The following AMZ2 variants were observed in gnomAD, a reference collection of about 807,000 sequenced individuals.
AMZ2 encodes archaelysin family metallopeptidase 2.
AMZ2 carries 26 observed loss-of-function variants against 36.7 expected under a neutral mutation model. The observed-to-expected ratio is 0.71, with a 90% confidence interval of 0.52 to 0.98. The LOEUF is 0.98. Among genes scored for constraint, AMZ2 ranks in the 50% least tolerant of loss-of-function variants. The pLI is 0.00. For synonymous variants in AMZ2, 144 were observed against 149.1 expected, an observed-to-expected ratio of 0.97 and a Z score of 0.25; for missense variants, 394 against 430.5, an observed-to-expected ratio of 0.92 and a Z score of 0.75.
intron 1 of AMZ2, among the ~76,000 whole-genome samples, chr17:68,240,955 C>T (rs117778705): frequency 0.047 from 7,197 of 152,152 alleles, 239 homozygotes; most frequent in Middle Eastern, 0.082. Context: ...ACCTTTATTC[C>T]AGAAGGTTCT....
Position 68,251,161 on chromosome 17 carries a change from A to G in AMZ2, c.569A>G (p.Gln190Arg). The change falls in exon 4 of 7, where the codon CAG (glutamine) becomes CGG (arginine). Residue 190 changes from glutamine to arginine, a missense_variant. Coordinates refer to ENST00000359904, the MANE Select transcript of AMZ2 (RefSeq NM_016627.5). ...GACTCGTGGAATTTTGTCTTTGGAC[A>G]GGCCTCTTTGACAGATGGTATTCCG... is the stretch of plus-strand genomic sequence containing the variant. ...PRDSWNFVFGQASLTDGVGIF... is the reference protein window; with the variant it reads ...PRDSWNFVFGRASLTDGVGIF... 6.2e-7 allele frequency: 1 copy of G among 1,613,136 alleles called. No individual in the cohort carries two copies. The highest frequency in any genetic ancestry group is 8.5e-7 in the Non-Finnish European group (1 of 1,179,788).
chr17:68,245,715 C>T (rs2073987189), upstream of AMZ2, among the ~76,000 whole-genome samples: 1 of 152,068 alleles, frequency 6.6e-6, no homozygotes, highest in Non-Finnish European at 1.5e-5. Context: ...TAGTGAATAC[C>T]TTTTATGCTT....
intron 1 of AMZ2, among the ~76,000 whole-genome samples, chr17:68,210,308 T>G (rs1360605855): frequency 6.6e-6 from 1 of 152,226 alleles, no homozygotes; most frequent in Non-Finnish European, 1.5e-5. Context: ...AACTGATGAA[T>G]GGATAACCCA....
chr17:68,227,963 A>G (rs2073558036), intron 1 of AMZ2, among the ~76,000 whole-genome samples: 1 of 152,176 alleles, frequency 6.6e-6, no homozygotes, highest in African/African-American at 2.4e-5. Flanking sequence ...TCTGGGGATC[A>G]GGGTGTGGAT....
At chr17:68,226,866 G>A (rs2073528504) in intron 1 of AMZ2, among the ~76,000 whole-genome samples, 1 of 150,280 alleles carries the variant, frequency 6.7e-6, no homozygotes, top group Admixed American at 6.6e-5. Context: ...CTAACATCAG[G>A]GGACCAGCCT....
Position 68,250,910 on chromosome 17 carries a change from G to T in AMZ2, c.400G>T (p.Val134Leu). The T allele has an allele frequency of 1.2e-6, 2 of 1,610,398 alleles. No homozygotes were observed. Among genetic ancestry groups the T allele is most frequent in the Middle Eastern group, 1.7e-4 (1 of 6,058 alleles). The change falls in exon 3 of 7, where the codon GTA (valine) becomes TTA (leucine). Residue 134 changes from valine (V) to leucine (L), a missense_variant. By Grantham distance (32) the Val-to-Leu change is conservative. Coordinates refer to ENST00000359904, the MANE Select transcript of AMZ2 (RefSeq NM_016627.5). ...ACTCCTAGAACCAGTTCCTGTTTCT[G>T]TAACAAGATGTTCCTTTAGAGTCAA... ...VKLLEPVPVS[V>L]TRCSFRVNEN...
At chr17:68,233,527 A>AG (rs2073716565) in intron 1 of AMZ2, among the ~76,000 whole-genome samples, 2 of 107,098 alleles carry the variant, frequency 1.9e-5, no homozygotes, top group Admixed American at 1.0e-4. Flanking sequence ...AAAAAAAAAA[A>AG]AGAGAGAAAT....
chr17:68,254,861 A>C (rs73998058), intron 5 of AMZ2, among the ~76,000 whole-genome samples: 1 of 152,098 alleles, frequency 6.6e-6, no homozygotes, highest in Admixed American at 6.6e-5. Context: ...CTACTTTTTC[A>C]AGCTACTGTG....
Position 68,209,581 on chromosome 17 carries a change from G to T in AMZ2, c.-67+3343G>T, listed in dbSNP as rs900570805. On this transcript the variant is annotated intron_variant, in intron 1 of 7. Coordinates refer to the AMZ2 transcript ENST00000674770. Reference sequence around the variant, plus strand: ...AATATTATAGAAGAAAATAATTGTGGGTGTGTGTGTGTGTGTGTGTGTGTA... The same window carrying T: ...AATATTATAGAAGAAAATAATTGTGTGTGTGTGTGTGTGTGTGTGTGTGTA... Among the ~76,000 whole-genome samples the T allele has an allele frequency of 4.5e-3, 477 of 106,942 alleles. 2 individuals carry two copies. The highest frequency in any genetic ancestry group is 5.1e-3 in the Non-Finnish European group (272 of 52,914). 70.2% of individuals were successfully genotyped at this position (106,942 alleles called of 152,430 possible).
rs573242091 is a variant in AMZ2 at position 68,206,163 on chromosome 17, C to G, written c.-142C>G. 16 of 1,306,578 alleles carry G rather than the reference C, an allele frequency of 1.2e-5. No individual in the cohort carries two copies. In the African/African-American group the frequency reaches 2.1e-4, roughly 17 times the overall value. 80.9% of individuals were successfully genotyped at this position (1,306,578 alleles called of 1,614,324 possible). A position where few individuals can be genotyped will look rare whatever the true frequency, so the allele number is the denominator to read the frequency against. The stretch of plus-strand genomic sequence containing the variant: ...GGCTGATTCCGATTATCTGGAGGAG[C>G]TGGAAGACGACGACGACGCCAGTTA... On this transcript the variant is annotated 5_prime_UTR_variant, in exon 1 of 8. Coordinates refer to the AMZ2 transcript ENST00000674770.
chr17:68,254,030 C>A (rs1555741308), intron 4 of AMZ2, among the ~76,000 whole-genome samples: 1 of 152,170 alleles, frequency 6.6e-6, no homozygotes, highest in African/African-American at 2.4e-5. Flanking sequence ...CAATCGTGAG[C>A]CACCACGCCC....
chr17:68,224,150 C>T (rs2073448087), intron 1 of AMZ2, among the ~76,000 whole-genome samples: 1 of 152,122 alleles, frequency 6.6e-6, no homozygotes, highest in Non-Finnish European at 1.5e-5. Context: ...GCCATGTTGG[C>T]CAGGCCGGTC....
chr17:68,230,333 C>T (rs542450311), intron 1 of AMZ2, among the ~76,000 whole-genome samples: 2 of 152,346 alleles, frequency 1.3e-5, no homozygotes, highest in East Asian at 3.9e-4. Context: ...CTCGGCCTCC[C>T]ACAGTGCTGG....
At chr17:68,221,107 G>C (rs1208570888) in intron 1 of AMZ2, among the ~76,000 whole-genome samples, 4 of 151,504 alleles carry the variant, frequency 2.6e-5, no homozygotes, top group South Asian at 2.1e-4. Context: ...TTTTGAGGCA[G>C]AGTCTCGCTC....
intron 6 of AMZ2, 114 bp from the exon 7 acceptor site, chr17:68,256,700 C>A: frequency 3.9e-6 from 4 of 1,015,070 alleles, no homozygotes; most frequent in Non-Finnish European, 5.7e-6. Flanking sequence ...TTATCAAATG[C>A]AGCGTCTTCA....
intron 1 of AMZ2, among the ~76,000 whole-genome samples, chr17:68,242,475 G>C (rs527290971): frequency 5.3e-5 from 8 of 152,072 alleles, no homozygotes; most frequent in African/African-American, 1.9e-4. Context: ...GCAGTGGCGC[G>C]ATCTCGGCTC....
At chr17:68,228,938 T>C (rs1330502895) in intron 1 of AMZ2, among the ~76,000 whole-genome samples, 2 of 152,246 alleles carry the variant, frequency 1.3e-5, no homozygotes, top group Non-Finnish European at 2.9e-5. Flanking sequence ...CGTCAAGAGC[T>C]TGTGCTGTCT....
intron 1 of AMZ2, among the ~76,000 whole-genome samples, chr17:68,239,610 C>G (rs1302355454): frequency 6.6e-6 from 1 of 152,156 alleles, no homozygotes; most frequent in Non-Finnish European, 1.5e-5. Context: ...TAGTGGGACT[C>G]TTAGGCTCTT....
chr17:68,249,942 A>C, intron 1 of AMZ2: 1 of 480,508 alleles, frequency 2.1e-6, no homozygotes, highest in South Asian at 2.4e-5. Flanking sequence ...CCTGGCCACC[A>C]CTAGTTTTTG....
Sources: allele counts gnomAD v4.1 joint callset (sites outside exome capture counted in the v4.1 genomes callset), GRCh38; gene constraint gnomAD v4.1.1; transcripts MANE v1.5; gene names NCBI Gene and HGNC (gene_info 2026-07-23, HGNC 2026-07-21).